ADAMTS17: variants seen among roughly 807,000 people sequenced by gnomAD.
The protein encoded by ADAMTS17 is ADAM metallopeptidase with thrombospondin type 1 motif 17, also known as A disintegrin and metalloproteinase with thrombospondin motifs 17.
In ADAMTS17, 113 loss-of-function variants were observed where a neutral mutation model predicts 141.5. The observed-to-expected ratio is 0.80, with a 90% CI of 0.69 to 0.93. The LOEUF (loss-of-function observed/expected upper bound fraction) is 0.93. ADAMTS17 is among the 40% of genes least tolerant of loss of function. The pLI is 0.00. For synonymous variants in ADAMTS17, 768 were observed against 630.6 expected, an observed-to-expected ratio of 1.22 and a Z score of -3.27; for missense variants, 1,659 against 1,517.9, an observed-to-expected ratio of 1.09 and a Z score of -1.54.
At chr15:99,999,264 A>T (rs1455317248) in intron 18 of ADAMTS17, among the ~76,000 whole-genome samples, 1 of 152,184 alleles carries the variant, frequency 6.6e-6, no homozygotes, top group Non-Finnish European at 1.5e-5. Context: ...TCACCATAGC[A>T]TCTATAACAA....
chr15:100,337,553 C>T (rs1286233103), intron 2 of ADAMTS17, among the ~76,000 whole-genome samples: 1 of 152,208 alleles, frequency 6.6e-6, no homozygotes, highest in Admixed American at 6.5e-5. Context: ...GTTTTGCAGC[C>T]CAGAGCTCCT....
chr15:100,088,685 A>G (rs1350783121), intron 15 of ADAMTS17, among the ~76,000 whole-genome samples: 2 of 151,988 alleles, frequency 1.3e-5, no homozygotes. Flanking sequence ...AAATAATACC[A>G]CACATCTACA....
intron 15 of ADAMTS17, among the ~76,000 whole-genome samples, chr15:100,060,055 T>A (rs1294320575): frequency 6.6e-6 from 1 of 152,216 alleles, no homozygotes; most frequent in Non-Finnish European, 1.5e-5. Flanking sequence ...GCAATTAAAA[T>A]GATTACGAAT....
chr15:100,112,711 G>A (rs958884329), intron 13 of ADAMTS17, among the ~76,000 whole-genome samples: 2 of 152,158 alleles, frequency 1.3e-5, no homozygotes, highest in African/African-American at 4.8e-5. Flanking sequence ...CACCTGCATG[G>A]CTGGTGTGTG....
chr15:100,074,816 T>C (rs1397062870), intron 15 of ADAMTS17, among the ~76,000 whole-genome samples: 2 of 152,168 alleles, frequency 1.3e-5, no homozygotes, highest in African/African-American at 2.4e-5. Context: ...TTTTCAATCA[T>C]TCATTTCAAA....
At chr15:100,254,233 G>C in intron 6 of ADAMTS17, 54 bp from the exon 7 acceptor site, 1 of 1,514,242 alleles carries the variant, frequency 6.6e-7, no homozygotes, top group South Asian at 1.1e-5. Context: ...AAGAATGGGA[G>C]AAGAAAACAC....
Position 100,043,629 on chromosome 15 carries a change from G to A in ADAMTS17, c.2591+5228C>T, listed in dbSNP as rs535449828. ...GGTTATTTTTGGACAACCCAAGGGCGAATAACAAATTTTACATGTTTTAAA... is the reference window on the plus strand; with the variant it reads ...GGTTATTTTTGGACAACCCAAGGGCAAATAACAAATTTTACATGTTTTAAA... On this transcript the variant is annotated intron_variant, in intron 18 of 21. Coordinates refer to ENST00000268070, the MANE Select transcript of ADAMTS17 (RefSeq NM_139057.4). Among the ~76,000 whole-genome samples, 44 of 152,150 alleles carry A rather than the reference G, an allele frequency of 2.9e-4. No individual in the cohort carries two copies. In the East Asian group the frequency reaches 6.4e-3, roughly 22 times the overall value.
intron 7 of ADAMTS17, among the ~76,000 whole-genome samples, chr15:100,220,194 G>A (rs191864363): frequency 2.6e-5 from 4 of 151,916 alleles, no homozygotes; most frequent in Admixed American, 1.3e-4. Context: ...GATGTCAGGC[G>A]TCCCTACCAG....
intron 20 of ADAMTS17, among the ~76,000 whole-genome samples, chr15:99,985,137 G>A (rs906005938): frequency 5.3e-5 from 8 of 152,234 alleles, no homozygotes; most frequent in African/African-American, 1.2e-4. Context: ...GCCCAGCGGC[G>A]GGCTCTGTGG....
At chr15:100,166,364 CT>C (rs2039952175) in intron 8 of ADAMTS17, among the ~76,000 whole-genome samples, 1 of 151,704 alleles carries the variant, frequency 6.6e-6, no homozygotes, top group Admixed American at 6.6e-5. Flanking sequence ...TTGCTTCATC[CT>C]TTTCTATATT....
At chr15:100,049,245 T>A (rs2031953354) in intron 17 of ADAMTS17, among the ~76,000 whole-genome samples, 1 of 152,214 alleles carries the variant, frequency 6.6e-6, no homozygotes, top group Non-Finnish European at 1.5e-5. Context: ...ACACCTCAGA[T>A]CAGCGGTGTC....
chr15:100,169,954 T>C (rs537909183), intron 8 of ADAMTS17, among the ~76,000 whole-genome samples: 9 of 151,958 alleles, frequency 5.9e-5, no homozygotes, highest in Non-Finnish European at 1.0e-4. Flanking sequence ...GGAGGCGGGG[T>C]TCAGGGTTGG....
intron 3 of ADAMTS17, among the ~76,000 whole-genome samples, chr15:100,328,490 G>A (rs942178441): frequency 5.3e-5 from 8 of 152,102 alleles, no homozygotes; most frequent in African/African-American, 1.7e-4. Flanking sequence ...CATTACTCCC[G>A]CACCAAAAAG....
At chr15:100,341,548 C>T (rs2046367973) in intron 1 of ADAMTS17, 139 bp from the exon 2 acceptor site, 1 of 884,882 alleles carries the variant, frequency 1.1e-6, no homozygotes, top group Admixed American at 5.6e-5. Context: ...CCGGCACCTC[C>T]ACGCTGGCCC....
In ADAMTS17 at chr15:100,051,118, C is replaced by T. The variant is rs117719415; in HGVS notation, c.2455+454G>A. ...GTGCAGTCAGGACTCATGCTCAGAACGTTTCACCCGACTTGCAGGACTTTT... is the reference window on the plus strand; with the variant it reads ...GTGCAGTCAGGACTCATGCTCAGAATGTTTCACCCGACTTGCAGGACTTTT... On this transcript the variant is annotated intron_variant, in intron 17 of 21. Transcript: ENST00000268070. Among the ~76,000 whole-genome samples the T allele has an allele frequency of 2.6e-3, 391 of 152,242 alleles. 14 individuals are homozygous for T. The East Asian group carries it at 0.057, about 22-fold the overall frequency.
rs147753194 is a variant in ADAMTS17 at position 100,096,368 on chromosome 15, C to G, written c.2125G>C (p.Ala709Pro). The part of the protein sequence containing the change: ...CHLVKGDFSH[A>P]RGTALKDSGK... ...GGCCAACACTCACCTGTCCCCCGGG[C>G]GTGGCTGAAGTCGCCCTTCACCAAG... The change falls in exon 15 of 22, where the codon GCC (alanine) becomes CCC (proline). Residue 709 changes from alanine (A) to proline (P), a missense_variant. By Grantham distance (27) the Ala-to-Pro change is conservative (BLOSUM62 -1). Transcript: ENST00000268070. The G allele has an allele frequency of 1.2e-6, 2 of 1,613,868 alleles. No individual in the cohort carries two copies. Among genetic ancestry groups the G allele is most frequent in the South Asian group, 1.1e-5 (1 of 91,078 alleles).
intron 10 of ADAMTS17, 22 bp from the exon 11 acceptor site, chr15:100,133,337 C>A (rs201869696): frequency 6.4e-7 from 1 of 1,562,272 alleles, no homozygotes; most frequent in Non-Finnish European, 8.7e-7. Context: ...GGGAAGGAAC[C>A]ATAATTGTGG....
At chr15:100,322,187 G>C (rs916886289) in intron 3 of ADAMTS17, among the ~76,000 whole-genome samples, 1 of 152,188 alleles carries the variant, frequency 6.6e-6, no homozygotes, top group African/African-American at 2.4e-5. Context: ...CCATGCAGAA[G>C]GGGTAACGCT....
chr15:100,241,863 C>CT (rs2042837929), intron 7 of ADAMTS17, among the ~76,000 whole-genome samples: 3 of 152,192 alleles, frequency 2.0e-5, no homozygotes, highest in African/African-American at 7.2e-5. Flanking sequence ...GTCGTCTATG[C>CT]TAGTAACTCC....
Sources: gnomAD v4.1 joint callset for allele counts (sites outside exome capture counted in the v4.1 genomes callset) on GRCh38, gnomAD v4.1.1 for gene constraint, MANE v1.5 for transcripts, NCBI Gene and HGNC (gene_info 2026-07-23, HGNC 2026-07-21) for gene names.